The following SARAF variants were observed in gnomAD, a reference collection of about 807,000 sequenced individuals.
SARAF encodes the protein store-operated calcium entry-associated regulatory factor.
Under a neutral mutation model 39.7 loss-of-function variants are expected in SARAF, and 23 were observed. The observed-to-expected ratio is 0.58, with a 90% CI of 0.42 to 0.82. The LOEUF (loss-of-function observed/expected upper bound fraction) is 0.82, where lower values mean the gene tolerates loss of function less well. SARAF is among the 40% of genes least tolerant of loss of function. SARAF has a pLI of 0.00. For missense variants in SARAF, 384 were observed against 418.5 expected (o/e 0.92, Z 0.72); for synonymous variants, 175 against 168.5 (o/e 1.04, Z -0.30).
At chr8:30,064,557 A>ATTTTTTTTTTTTTTTT (rs1458215350) in intron 5 of SARAF, among the ~76,000 whole-genome samples, 5 of 50,660 alleles carry the variant, frequency 9.9e-5, no homozygotes, top group Non-Finnish European at 1.6e-4. Flanking sequence ...ATATATATAT[A>ATTTTTTTTTTTTTTTT]TATATTTTTT....
chr8:30,074,675 T>A (rs774002938), intron 1 of SARAF, among the ~76,000 whole-genome samples: 53 of 152,166 alleles, frequency 3.5e-4, no homozygotes, highest in Non-Finnish European at 6.9e-4. Flanking sequence ...AAAACATGTA[T>A]GGGAAGGATT....
chr8:30,072,472 A>C (rs1200806046), intron 2 of SARAF, among the ~76,000 whole-genome samples: 1 of 152,148 alleles, frequency 6.6e-6, no homozygotes, highest in Non-Finnish European at 1.5e-5. Flanking sequence ...CTGTTACTAC[A>C]CTGTTTTTAA....
chr8:30,081,983 G>A (rs1200424719), intron 1 of SARAF, among the ~76,000 whole-genome samples: 1 of 152,086 alleles, frequency 6.6e-6, no homozygotes, highest in Non-Finnish European at 1.5e-5. Context: ...TCTCTACGGT[G>A]AAAGCCAATG....
In SARAF at chr8:30,077,859, A is replaced by C. The variant is rs955324322; in HGVS notation, c.104-3804T>G. On this transcript the variant is annotated intron_variant, in intron 1 of 5. Coordinates refer to ENST00000256255, the MANE Select transcript of SARAF (RefSeq NM_016127.6). ...CAAAAAGATAGAAAGTAGGAGAGAA[A>C]GGCTGGGCACAGTGGCTCACGTGTG... 2.0e-5 allele frequency among the ~76,000 whole-genome samples: 3 copies of C among 151,322 alleles called. No homozygotes were observed. In the East Asian group the frequency reaches 5.8e-4, roughly 29 times the overall value.
At chr8:30,072,453 C>A (rs1801867817) in intron 2 of SARAF, among the ~76,000 whole-genome samples, 1 of 152,034 alleles carries the variant, frequency 6.6e-6, no homozygotes, top group African/African-American at 2.4e-5. Context: ...TGCAGTTTTT[C>A]TTTTGTTGCT....
At chr8:30,064,632 G>A (rs954415443) in intron 5 of SARAF, among the ~76,000 whole-genome samples, 4 of 140,206 alleles carry the variant, frequency 2.9e-5, no homozygotes, top group Non-Finnish European at 6.0e-5. Context: ...GTGCAATCTC[G>A]GCTCACTGCA....
At chr8:30,080,480 T>C (rs572072323) in intron 1 of SARAF, among the ~76,000 whole-genome samples, 1 of 152,356 alleles carries the variant, frequency 6.6e-6, no homozygotes, top group African/African-American at 2.4e-5. Flanking sequence ...CTCCTTACGC[T>C]GTTTATCATA....
At chr8:30,065,942 T>C (rs1164642799) in intron 5 of SARAF, 46 bp downstream of exon 5, 1 of 1,609,312 alleles carries the variant, frequency 6.2e-7, no homozygotes, top group African/African-American at 1.3e-5. Flanking sequence ...AAACTATTTC[T>C]GTACTTTACT....
intron 5 of SARAF, chr8:30,065,739 G>C: frequency 2.3e-6 from 1 of 443,448 alleles, no homozygotes; most frequent in Non-Finnish European, 4.2e-6. Flanking sequence ...TAAATATATG[G>C]GGAAGCTAGC....
At chr8:30,072,895 A>G (rs1272212980) in intron 2 of SARAF, among the ~76,000 whole-genome samples, 1 of 152,214 alleles carries the variant, frequency 6.6e-6, no homozygotes, top group Admixed American at 6.5e-5. Flanking sequence ...CTCTTCTACT[A>G]GTAAGACAGT....
intron 1 of SARAF, among the ~76,000 whole-genome samples, chr8:30,075,947 C>T (rs1350904391): frequency 4.8e-5 from 5 of 103,208 alleles, no homozygotes; most frequent in Non-Finnish European, 7.3e-5. Flanking sequence ...AAGGGGGAAA[C>T]TGAGAATCAA....
chr8:30,064,392 A>AT (rs1170155627), intron 5 of SARAF, among the ~76,000 whole-genome samples: 2 of 151,510 alleles, frequency 1.3e-5, no homozygotes, highest in Non-Finnish European at 2.9e-5. Flanking sequence ...AAGTCTCTCA[A>AT]TTATTTTCAG....
chr8:30,077,894 C>G (rs866941821), intron 1 of SARAF, among the ~76,000 whole-genome samples: 1 of 151,844 alleles, frequency 6.6e-6, no homozygotes, highest in Non-Finnish European at 1.5e-5. Context: ...GTAATCCCAG[C>G]ACTTTGGGTG....
intron 2 of SARAF, among the ~76,000 whole-genome samples, 194 bp from the exon 3 acceptor site, chr8:30,070,253 C>T (rs1227620295): frequency 6.6e-6 from 1 of 151,858 alleles, no homozygotes; most frequent in Admixed American, 6.6e-5. Flanking sequence ...ATTAAAAATA[C>T]AAAAATTAGC....
intron 1 of SARAF, among the ~76,000 whole-genome samples, chr8:30,075,251 G>A (rs1801931751): frequency 6.8e-6 from 1 of 146,302 alleles, no homozygotes; most frequent in South Asian, 2.1e-4. Flanking sequence ...AGTGAGCCAA[G>A]ATCACACCAT....
intron 1 of SARAF, among the ~76,000 whole-genome samples, chr8:30,078,919 G>A (rs1416521875): frequency 2.0e-5 from 3 of 152,030 alleles, no homozygotes; most frequent in African/African-American, 7.2e-5. Flanking sequence ...CACTTTGGGA[G>A]GCCAAGGAGG....
At chr8:30,081,079 C>T (rs1402988355) in intron 1 of SARAF, among the ~76,000 whole-genome samples, 2 of 152,094 alleles carry the variant, frequency 1.3e-5, no homozygotes, top group African/African-American at 4.8e-5. Flanking sequence ...GCAGAGGTTG[C>T]GGTGAGCCAA....
At chr8:30,082,218 A>T (rs1205538962) in intron 1 of SARAF, 1 of 152,364 alleles carries the variant, frequency 6.6e-6, no homozygotes, top group Non-Finnish European at 1.5e-5. Flanking sequence ...GGCACCCGTA[A>T]TCTCAGCTAC....
At chr8:30,064,545 A>ATTTTTTTTTTTTT in intron 5 of SARAF, among the ~76,000 whole-genome samples, 1 of 32,972 alleles carries the variant, frequency 3.0e-5, no homozygotes, top group Non-Finnish European at 6.1e-5. Flanking sequence ...ATATATATAT[A>ATTTTTTTTTTTTT]TATATATATA....
Sources: allele counts gnomAD v4.1 joint callset (sites outside exome capture counted in the v4.1 genomes callset), GRCh38; gene constraint gnomAD v4.1.1; transcripts MANE v1.5; gene names NCBI Gene and HGNC (gene_info 2026-07-23, HGNC 2026-07-21).